The following SEMA6A variants were observed in gnomAD, a reference collection of about 807,000 sequenced individuals.
SEMA6A encodes the protein semaphorin 6A.
SEMA6A carries 25 observed loss-of-function variants against 96.8 expected under a neutral mutation model. The ratio of observed to expected loss-of-function variants is 0.26; its 90% CI spans 0.19 to 0.36. The LOEUF is 0.36. Among genes scored for constraint, SEMA6A ranks in the 10% least tolerant of loss-of-function variants. The pLI is 1.00. For synonymous variants in SEMA6A, 612 were observed against 518.0 expected, an observed-to-expected ratio of 1.18 and a Z score of -2.46; for missense variants, 1,363 against 1,323.1, an observed-to-expected ratio of 1.03 and a Z score of -0.47.
At chr5:116,543,437 A>G (rs1256937796) in intron 1 of SEMA6A, among the ~76,000 whole-genome samples, 2 of 152,254 alleles carry the variant, frequency 1.3e-5, no homozygotes, top group African/African-American at 4.8e-5. Context: ...TACTGAAAAT[A>G]CTTTTTTCTT....
Position 116,533,271 on chromosome 5 carries a change from T to C in SEMA6A, c.-38-28289A>G, listed in dbSNP as rs558806937. On this transcript the variant is annotated intron_variant, in intron 1 of 18. Transcript: ENST00000343348. Reference sequence around the variant, plus strand: ...CTTTGTTTTTCCTTTTTTTTTTTTTTTCCACTAGTCGTGCATTGGAGATGG... The same window carrying C: ...CTTTGTTTTTCCTTTTTTTTTTTTTCTCCACTAGTCGTGCATTGGAGATGG... 1.6e-3 allele frequency among the ~76,000 whole-genome samples: 242 copies of C among 151,314 alleles called. 1 individual carries two copies. Among genetic ancestry groups the C allele is most frequent in the South Asian group, 2.5e-3 (12 of 4,782 alleles).
chr5:116,453,578 T>TA, intron 18 of SEMA6A, among the ~76,000 whole-genome samples: 1 of 152,198 alleles, frequency 6.6e-6, no homozygotes, highest in Non-Finnish European at 1.5e-5. Flanking sequence ...TGGACAGCCT[T>TA]GAATGATTAA....
chr5:116,569,741 G>A (rs895190482), intron 1 of SEMA6A, among the ~76,000 whole-genome samples: 3 of 152,180 alleles, frequency 2.0e-5, no homozygotes, highest in Non-Finnish European at 4.4e-5. Context: ...GAAGCTTCAA[G>A]GAGAACTAAA....
At chr5:116,454,995 T>C (rs1383687890) in intron 18 of SEMA6A, among the ~76,000 whole-genome samples, 2 of 152,192 alleles carry the variant, frequency 1.3e-5, no homozygotes, top group African/African-American at 4.8e-5. Context: ...AACTCACATA[T>C]TGAAATAATG....
intron 1 of SEMA6A, chr5:116,554,828 G>A (rs960971952): frequency 2.6e-5 from 4 of 151,870 alleles, no homozygotes; most frequent in Admixed American, 6.6e-5. Flanking sequence ...TCCTCCCTAA[G>A]CCAGGAAAGG....
intron 1 of SEMA6A, among the ~76,000 whole-genome samples, chr5:116,558,467 T>G (rs1220352915): frequency 4.2e-4 from 4 of 9,614 alleles, no homozygotes; most frequent in South Asian, 2.2e-3. Context: ...TTTTTTTTTT[T>G]TTTTTTGAGA....
At chr5:116,564,599 G>T (rs1760952828) in intron 1 of SEMA6A, among the ~76,000 whole-genome samples, 1 of 152,142 alleles carries the variant, frequency 6.6e-6, no homozygotes, top group African/African-American at 2.4e-5. Flanking sequence ...ATGTGTGTAT[G>T]TGTATCACCC....
At chr5:116,477,804 C>A in intron 15 of SEMA6A, 42 bp downstream of exon 15, 1 of 1,596,750 alleles carries the variant, frequency 6.3e-7, no homozygotes, top group Non-Finnish European at 8.6e-7. Context: ...TACACCTTGG[C>A]TGGAAGCCAC....
Position 116,444,876 on chromosome 5 carries a change from G to C in SEMA6A, c.*1737C>G, listed in dbSNP as rs557437389. ...GTGTCTGCCCAACCGCGCACCGCCTGCTCTCTAGCCAGTGGACGCAGCAGA... is the reference window on the plus strand; with the variant it reads ...GTGTCTGCCCAACCGCGCACCGCCTCCTCTCTAGCCAGTGGACGCAGCAGA... On this transcript the variant is annotated 3_prime_UTR_variant, in exon 19 of 19. Coordinates refer to ENST00000343348, the MANE Select transcript of SEMA6A (RefSeq NM_020796.5). The C allele has an allele frequency of 2.0e-5, 3 of 152,752 alleles. No homozygotes were observed. The East Asian group carries it at 5.8e-4, about 29-fold the overall frequency. The allele number at this position is 152,752 out of a possible 1,614,324, so 9.5% of individuals were successfully genotyped here.
intron 1 of SEMA6A, among the ~76,000 whole-genome samples, chr5:116,511,499 G>T (rs2112792145): frequency 6.6e-6 from 1 of 152,256 alleles, no homozygotes; most frequent in African/African-American, 2.4e-5. Flanking sequence ...TAAAGAAAAA[G>T]GAACAGAAGA....
intron 1 of SEMA6A, among the ~76,000 whole-genome samples, chr5:116,544,021 G>C (rs1415974940): frequency 1.3e-5 from 2 of 151,078 alleles, no homozygotes; most frequent in African/African-American, 2.5e-5. Context: ...ATGCACCCTA[G>C]TAGAAAATAG....
chr5:116,463,499 T>C (rs1332403527), intron 18 of SEMA6A, among the ~76,000 whole-genome samples: 1 of 152,254 alleles, frequency 6.6e-6, no homozygotes, highest in Non-Finnish European at 1.5e-5. Context: ...CGGAATATTA[T>C]TTCCCAAACT....
rs191212461 is a variant in SEMA6A at position 116,555,563 on chromosome 5, G to A, written c.-39+18622C>T. On this transcript the variant is annotated intron_variant, in intron 1 of 18. Transcript: ENST00000343348. Reference sequence around the variant, plus strand: ...TCAGACATTAAGTTAACAGAGCCAGGTGCAGTGGCTCATGCCTGTAATCCT... The same window carrying A: ...TCAGACATTAAGTTAACAGAGCCAGATGCAGTGGCTCATGCCTGTAATCCT... 3.1e-3 allele frequency among the ~76,000 whole-genome samples: 473 copies of A among 152,222 alleles called. 2 individuals carry two copies. Among genetic ancestry groups the A allele is most frequent in the Middle Eastern group, 0.024 (7 of 294 alleles).
intron 11 of SEMA6A, among the ~76,000 whole-genome samples, chr5:116,480,667 A>C (rs746348211): frequency 1.6e-4 from 25 of 152,184 alleles, no homozygotes; most frequent in African/African-American, 5.6e-4. Context: ...ACAGAGGGAA[A>C]GAATTAGGTT....
At chr5:116,549,890 G>A (rs1760330410) in intron 1 of SEMA6A, among the ~76,000 whole-genome samples, 1 of 152,134 alleles carries the variant, frequency 6.6e-6, no homozygotes. Flanking sequence ...AGTGCTACCT[G>A]TACGATCGGT....
intron 1 of SEMA6A, among the ~76,000 whole-genome samples, chr5:116,525,807 C>G (rs1373817286): frequency 6.6e-6 from 1 of 152,202 alleles, no homozygotes; most frequent in Admixed American, 6.5e-5. Context: ...AACTGCATTA[C>G]AAACACCTCA....
At chr5:116,533,484 C>G (rs1759576346) in intron 1 of SEMA6A, among the ~76,000 whole-genome samples, 1 of 152,092 alleles carries the variant, frequency 6.6e-6, no homozygotes, top group Non-Finnish European at 1.5e-5. Context: ...GAATGATTTC[C>G]TGGTTAAACT....
intron 1 of SEMA6A, among the ~76,000 whole-genome samples, chr5:116,519,343 C>G (rs1475555654): frequency 1.3e-5 from 2 of 152,032 alleles, no homozygotes; most frequent in Non-Finnish European, 2.9e-5. Context: ...CCACAGGGTA[C>G]TTTTTTAGTG....
chr5:116,546,460 G>T (rs1760190466), intron 1 of SEMA6A, among the ~76,000 whole-genome samples: 1 of 152,188 alleles, frequency 6.6e-6, no homozygotes, highest in South Asian at 2.1e-4. Context: ...GTGTCCATGT[G>T]TTCCTTCAGT....
Sources: allele counts gnomAD v4.1 joint callset (sites outside exome capture counted in the v4.1 genomes callset), GRCh38; gene constraint gnomAD v4.1.1; transcripts MANE v1.5; gene names NCBI Gene and HGNC (gene_info 2026-07-23, HGNC 2026-07-21).